The following ISOC2 variants were observed in gnomAD, a reference collection of about 807,000 sequenced individuals.
ISOC2 encodes the protein isochorismatase domain-containing protein 2.
ISOC2 carries 15 observed loss-of-function variants against 19.3 expected under a neutral mutation model. The ratio of observed to expected loss-of-function variants is 0.78; its 90% CI spans 0.52 to 1.20. The LOEUF is 1.20. ISOC2 is among the 50% of genes most tolerant of loss of function. The pLI, the probability that ISOC2 is intolerant of heterozygous loss-of-function variation, is 0.00. For missense variants in ISOC2, 285 were observed against 272.4 expected, an observed-to-expected ratio of 1.05 and a Z score of -0.33; for synonymous variants, 106 against 115.8, an observed-to-expected ratio of 0.92 and a Z score of 0.54.
chr19:55,461,098 G>C (rs2123390104), intron 1 of ISOC2, among the ~76,000 whole-genome samples: 1 of 152,132 alleles, frequency 6.6e-6, no homozygotes, highest in African/African-American at 2.4e-5. Flanking sequence ...AACGAGGAGA[G>C]ATTCAGCCTG....
intron 4 of ISOC2, 56 bp from the exon 5 acceptor site, chr19:55,455,162 C>A: frequency 6.3e-7 from 1 of 1,581,282 alleles, no homozygotes. Flanking sequence ...TCTGGACACC[C>A]AGACACGCAG....
At position 55,456,432 on chromosome 19, in the gene ISOC2, A is replaced by C. The variant is rs760445095; in HGVS notation, c.55T>G (p.Phe19Val). 2 of 1,613,742 alleles carry C rather than the reference A, an allele frequency of 1.2e-6. No individual in the cohort carries two copies. Among genetic ancestry groups the C allele is most frequent in the Admixed American group, 3.3e-5 (2 of 59,988 alleles). ...AACTTCTCCTGCATGTCACACAGGA[A>C]CAGGACAGAGGATCCTGGGAGGACT... is the stretch of plus-strand genomic sequence containing the variant. ...GRVLPGSSVL[F>V]LCDMQEKFRH... is the part of the protein sequence containing the mutation. The change falls in exon 2 of 6, where the codon TTC (phenylalanine) becomes GTC (valine). Residue 19 changes from phenylalanine to valine, a missense_variant. By Grantham distance (50) the Phe-to-Val change is conservative. Transcript: ENST00000425675.
At chr19:55,456,298 G>A (rs1690120551) in intron 2 of ISOC2, 51 bp downstream of exon 2, 2 of 1,307,402 alleles carry the variant, frequency 1.5e-6, no homozygotes, top group African/African-American at 1.5e-5. Context: ...GTCTGAGGGT[G>A]GAGGGCTGAG....
At chr19:55,457,464 G>A (rs1272314391) in intron 1 of ISOC2, among the ~76,000 whole-genome samples, 2 of 150,958 alleles carry the variant, frequency 1.3e-5, no homozygotes, top group East Asian at 2.0e-4. Context: ...AAGCCCAGGA[G>A]GCAGAGGTTG....
chr19:55,455,383 G>A, intron 3 of ISOC2, 53 bp from the exon 4 acceptor site: 1 of 1,606,066 alleles, frequency 6.2e-7, no homozygotes, highest in Non-Finnish European at 8.5e-7. Context: ...GGGGTCCTGG[G>A]TAAGGAATTG....
intron 1 of ISOC2, chr19:55,459,766 G>A (rs4801651): frequency 0.3 from 45,276 of 151,766 alleles, 8,089 homozygotes; most frequent in African/African-American, 0.51. Flanking sequence ...GCGGGACCTG[G>A]ACACCCGGGC....
chr19:55,453,319 G>A lies in ISOC2; in HGVS notation c.607C>T (p.Leu203Phe). The A allele has an allele frequency of 1.2e-6, 2 of 1,606,748 alleles. No individual in the cohort carries two copies. The highest frequency in any genetic ancestry group is 2.3e-5 in the East Asian group (1 of 44,380). ...GGCAGGGTTGGAGTTCAGTGGAGGAGGGAGTTCTGGCCTTGGAAGAGGCCC... is the reference window on the plus strand; with the variant it reads ...GGCAGGGTTGGAGTTCAGTGGAGGAAGGAGTTCTGGCCTTGGAAGAGGCCC... ...LLGLFQGQNS[L>F]LH The change falls in exon 6 of 6, where the codon CTC (leucine) becomes TTC (phenylalanine). Residue 203 changes from leucine (L) to phenylalanine (F), a missense_variant. Transcript: ENST00000425675.
chr19:55,453,391 G>C lies in ISOC2; in HGVS notation c.538-3C>G, dbSNP rs1269662967. On this transcript the variant is annotated splice_region_variant and splice_polypyrimidine_tract_variant and intron_variant, in intron 5 of 5. Transcript: ENST00000425675. Reference sequence around the variant, plus strand: ...GGCTCCTTGATGAGTTTCTGGATCTGTAAGGGCAGGGGGCGATGGGTCAGG... The same window carrying C: ...GGCTCCTTGATGAGTTTCTGGATCTCTAAGGGCAGGGGGCGATGGGTCAGG... The C allele has an allele frequency of 1.9e-6, 3 of 1,599,014 alleles. No homozygotes were observed. The South Asian group carries it at 3.4e-5, about 18-fold the overall frequency.
chr19:55,455,055 G>A lies in ISOC2; in HGVS notation c.471C>T (p.Phe157=). ...ALARMRQSGA[F]LSTSEGLILQ... ...GAATGAGCCCTTCGCTGGTGGAGAG[G>A]AAGGCACCACTCTGTCTCATGCGGG... Residue 157 remains phenylalanine (F), a synonymous_variant, in exon 5 of 6, where the codon TTC becomes TTT. Coordinates refer to ENST00000425675, the MANE Select transcript of ISOC2 (RefSeq NM_001136201.2). 1 of 1,599,130 alleles carries A rather than the reference G, an allele frequency of 6.3e-7. No homozygotes were observed. Among genetic ancestry groups the A allele is most frequent in the Non-Finnish European group, 8.5e-7 (1 of 1,172,244 alleles).
At chr19:55,454,771 A>G in intron 5 of ISOC2, 1 of 552,552 alleles carries the variant, frequency 1.8e-6, no homozygotes, top group Non-Finnish European at 3.2e-6. Context: ...GACCCTCTGG[A>G]TTGCCTCCCC....
chr19:55,453,599 T>A, intron 5 of ISOC2: 1 of 429,422 alleles, frequency 2.3e-6, no homozygotes, highest in Non-Finnish European at 4.1e-6. Context: ...CATCTTGGTG[T>A]GCTTTGCGGG....
chr19:55,460,068 A>T (rs1986186542), intron 1 of ISOC2: 1 of 152,214 alleles, frequency 6.6e-6, no homozygotes, highest in Admixed American at 6.5e-5. Flanking sequence ...TATCCTACAG[A>T]CATTCATGTG....
intron 5 of ISOC2, 43 bp from the exon 6 acceptor site, chr19:55,453,431 C>A: frequency 7.1e-7 from 1 of 1,404,156 alleles, no homozygotes; most frequent in Non-Finnish European, 9.6e-7. Context: ...GTCTAGGGTC[C>A]CGATCTCCAT....
intron 1 of ISOC2, among the ~76,000 whole-genome samples, chr19:55,460,198 A>T (rs1421582831): frequency 6.6e-6 from 1 of 152,202 alleles, no homozygotes; most frequent in Non-Finnish European, 1.5e-5. Context: ...ATACTCTGTT[A>T]TTCCTCGCAG....
Position 55,456,495 on chromosome 19 carries a change from G to C in ISOC2, c.-3-6C>G. ...GGCCTGGCAGCCGCCATTTTCTGGG[G>C]GTGGGCAGAGGGACGGTGGGTCAGG... is the stretch of plus-strand genomic sequence containing the variant. On this transcript the variant is annotated splice_region_variant and splice_polypyrimidine_tract_variant and intron_variant, in intron 1 of 5. Transcript: ENST00000425675. The C allele has an allele frequency of 1.2e-6, 2 of 1,613,474 alleles. No individual in the cohort carries two copies. Among genetic ancestry groups the C allele is most frequent in the Non-Finnish European group, 1.7e-6 (2 of 1,179,692 alleles).
chr19:55,456,799 G>A (rs991921970), intron 1 of ISOC2, among the ~76,000 whole-genome samples: 1 of 152,140 alleles, frequency 6.6e-6, no homozygotes, highest in Non-Finnish European at 1.5e-5. Flanking sequence ...GTCAAGGAGT[G>A]CTTCATGATC....
Position 55,453,160 on chromosome 19 carries a change from A to G in ISOC2, c.*148T>C. On this transcript the variant is annotated 3_prime_UTR_variant, in exon 6 of 6. Coordinates refer to ENST00000425675, the MANE Select transcript of ISOC2 (RefSeq NM_001136201.2). ...TTTGCATTTCCGGGAGCAGCTGTCCAATGGGAAGGCAGCACCCTGCCCCCC... is the reference window on the plus strand; with the variant it reads ...TTTGCATTTCCGGGAGCAGCTGTCCGATGGGAAGGCAGCACCCTGCCCCCC... 1 of 538,240 alleles carries G rather than the reference A, an allele frequency of 1.9e-6. No individual in the cohort carries two copies. Among genetic ancestry groups the G allele is most frequent in the East Asian group, 3.4e-5 (1 of 29,116 alleles). 33.3% of individuals were successfully genotyped at this position (538,240 alleles called of 1,614,324 possible). A position where few individuals can be genotyped will look rare whatever the true frequency, so the allele number is the denominator to read the frequency against.
chr19:55,458,522 A>C (rs867790646), intron 1 of ISOC2, among the ~76,000 whole-genome samples: 1 of 148,722 alleles, frequency 6.7e-6, no homozygotes, highest in Admixed American at 6.7e-5. Context: ...AGAAGCTGCT[A>C]TTTTCTTTTC....
chr19:55,456,044 G>T, intron 2 of ISOC2, 199 bp from the exon 3 acceptor site: 1 of 600,762 alleles, frequency 1.7e-6, no homozygotes, highest in South Asian at 2.0e-5. Flanking sequence ...GCTGGGCCTG[G>T]ACTCCTGCGT....
Sources: gnomAD v4.1 joint callset for allele counts (sites outside exome capture counted in the v4.1 genomes callset) on GRCh38, gnomAD v4.1.1 for gene constraint, MANE v1.5 for transcripts, NCBI Gene and HGNC (gene_info 2026-07-23, HGNC 2026-07-21) for gene names.